CELF2: variants seen among roughly 807,000 people sequenced by gnomAD.
The protein encoded by CELF2 is CUG triplet repeat RNA-binding protein 2.
Under a neutral mutation model 62.6 loss-of-function variants are expected in CELF2, and 8 were observed. That is an observed-to-expected ratio of 0.13 (90% CI 0.07 to 0.23). The LOEUF is 0.23. CELF2 is among the 10% of genes least tolerant of loss of function. The pLI is 1.00. For missense variants in CELF2, 333 were observed against 671.0 expected, an observed-to-expected ratio of 0.50 and a Z score of 5.56; for synonymous variants, 258 against 250.0, an observed-to-expected ratio of 1.03 and a Z score of -0.30.
chr10:10,711,940 A>T, the CELF2 span, among the ~76,000 whole-genome samples: 1 of 152,082 alleles, frequency 6.6e-6, no homozygotes, highest in Non-Finnish European at 1.5e-5. Context: ...TTTCACTACC[A>T]GTTCACCTAT....
intron 4 of CELF2, among the ~76,000 whole-genome samples, chr10:11,256,664 TTAAAA>T (rs2078861851): frequency 5.6e-5 from 4 of 71,746 alleles, no homozygotes; most frequent in Non-Finnish European, 1.2e-4. Flanking sequence ...TGTGATGTCC[TTAAAA>T]AAAAAAAAAA....
rs1182831021 is a variant in CELF2 at position 11,242,315 on chromosome 10, A to T, written c.355-6838A>T. Among the ~76,000 whole-genome samples the T allele has an allele frequency of 6.6e-6, 1 of 152,178 alleles. No individual in the cohort carries two copies. Among genetic ancestry groups the T allele is most frequent in the Non-Finnish European group, 1.5e-5 (1 of 68,022 alleles). ...TGGCTGGGGTTCAACAAGTTCCAAC[A>T]TGAGTTCTCCTGTGTGTGAGGAGCC... On this transcript the variant is annotated intron_variant, in intron 3 of 12. Transcript: ENST00000633077. The surrounding 1 kb of genome is among the most constrained non-coding windows in gnomAD (Gnocchi z 4.8).
the CELF2 span, among the ~76,000 whole-genome samples, chr10:10,684,053 A>G: frequency 6.6e-6 from 1 of 152,212 alleles, no homozygotes; most frequent in African/African-American, 2.4e-5. Flanking sequence ...AGTTATGATT[A>G]ATAACACCTT....
intron 2 of CELF2, among the ~76,000 whole-genome samples, chr10:10,991,463 T>G (rs538660695): frequency 1.3e-5 from 2 of 152,226 alleles, no homozygotes; most frequent in South Asian, 4.1e-4. Flanking sequence ...GGCTAAGAGT[T>G]GGGAGAGCTT....
In CELF2 at chr10:11,260,261, G is replaced by A. The variant is rs1413175149; in HGVS notation, c.538+2389G>A. 1.3e-5 allele frequency among the ~76,000 whole-genome samples: 2 copies of A among 152,168 alleles called. No individual in the cohort carries two copies. Among genetic ancestry groups the A allele is most frequent in the African/African-American group, 4.8e-5 (2 of 41,432 alleles). On this transcript the variant is annotated intron_variant, in intron 5 of 12. Coordinates refer to ENST00000633077, the MANE Select transcript of CELF2 (RefSeq NM_001326342.2). This position sits in a 1 kb window ranked among gnomAD's most constrained non-coding sequence, Gnocchi z 4.2. ...CTGCATGTGTTAGCGGAGAGACCCC[G>A]GGCGGGCAGTATGTGTGCTTGATTT...
intron 8 of CELF2, among the ~76,000 whole-genome samples, chr10:11,287,224 G>A (rs1034427673): frequency 4.6e-5 from 7 of 152,218 alleles, no homozygotes; most frequent in African/African-American, 9.6e-5. Flanking sequence ...AAGGTAAAAT[G>A]AAGCTGAAGT....
chr10:10,534,288 C>T, the CELF2 span, among the ~76,000 whole-genome samples: 4 of 149,092 alleles, frequency 2.7e-5, no homozygotes, highest in Admixed American at 6.7e-5. Context: ...AAAGAAAAAA[C>T]ACTTAAAAGA....
At chr10:10,570,947 A>G in the CELF2 span, among the ~76,000 whole-genome samples, 17 of 152,194 alleles carry the variant, frequency 1.1e-4, no homozygotes, top group Non-Finnish European at 1.8e-4. Context: ...TCTGAATACT[A>G]AGCTGGTTAA....
chr10:10,469,979 A>G, the CELF2 span, among the ~76,000 whole-genome samples: 1 of 151,880 alleles, frequency 6.6e-6, no homozygotes, highest in Non-Finnish European at 1.5e-5. Context: ...CTGAAATTCA[A>G]AACTTCTTGA....
At chr10:10,551,001 T>G in the CELF2 span, among the ~76,000 whole-genome samples, 1 of 152,196 alleles carries the variant, frequency 6.6e-6, no homozygotes, top group Non-Finnish European at 1.5e-5. Context: ...CCCAGCTGCC[T>G]ACTTCTTAAT....
At chr10:11,195,573 C>T (rs7919653) in intron 2 of CELF2, among the ~76,000 whole-genome samples, 14 of 152,166 alleles carry the variant, frequency 9.2e-5, no homozygotes, top group Non-Finnish European at 1.8e-4. Flanking sequence ...CAGTTGTGTT[C>T]AGAGTTTTGA....
chr10:11,094,404 G>T (rs559789267), intron 1 of CELF2, among the ~76,000 whole-genome samples: 1 of 152,024 alleles, frequency 6.6e-6, no homozygotes, highest in East Asian at 1.9e-4. Flanking sequence ...GAGCTGCATT[G>T]TTTTTTTTGA....
At chr10:10,760,606 G>A in the CELF2 span, among the ~76,000 whole-genome samples, 1 of 152,184 alleles carries the variant, frequency 6.6e-6, no homozygotes, top group African/African-American at 2.4e-5. Context: ...GCGATGGAGG[G>A]GAGGAAGGAG....
At chr10:10,466,064 G>A in the CELF2 span, among the ~76,000 whole-genome samples, 2 of 152,002 alleles carry the variant, frequency 1.3e-5, no homozygotes, top group African/African-American at 2.4e-5. Flanking sequence ...CTGAAACAAC[G>A]TTGCATAATC....
chr10:10,740,256 T>C, the CELF2 span, among the ~76,000 whole-genome samples: 2 of 150,744 alleles, frequency 1.3e-5, no homozygotes, highest in Non-Finnish European at 2.9e-5. Context: ...CCATTTCAAG[T>C]CTCATCTTTA....
At chr10:10,770,875 C>T in the CELF2 span, among the ~76,000 whole-genome samples, 1 of 152,162 alleles carries the variant, frequency 6.6e-6, no homozygotes, top group African/African-American at 2.4e-5. Context: ...TAAAACAGTA[C>T]TTCTTATCTA....
At chr10:10,497,339 G>A in the CELF2 span, among the ~76,000 whole-genome samples, 1 of 152,120 alleles carries the variant, frequency 6.6e-6, no homozygotes, top group Non-Finnish European at 1.5e-5. Context: ...GGATGGAGGA[G>A]AGAATCATGC....
intron 1 of CELF2, among the ~76,000 whole-genome samples, chr10:11,073,096 C>T (rs2070678663): frequency 6.6e-6 from 1 of 151,884 alleles, no homozygotes; most frequent in Non-Finnish European, 1.5e-5. Context: ...TATAATTATA[C>T]CAAAATATTA....
rs996052899 is a variant in CELF2, at chr10:11,314,563, G to A, written c.1096+305G>A. 3.8e-5 allele frequency: 16 copies of A among 425,946 alleles called. No homozygotes were observed. Among genetic ancestry groups the A allele is most frequent in the Non-Finnish European group, 5.8e-5 (13 of 225,816 alleles). 26.4% of individuals were successfully genotyped at this position (425,946 alleles called of 1,614,324 possible). A position where few individuals can be genotyped will look rare whatever the true frequency, so the allele number is the denominator to read the frequency against. ...CAGGAGTTTGGTTTGGTTTGGTTTC[G>A]GTCGGTTCTGTCCTGCGAGGCAGGG... On this transcript the variant is annotated intron_variant, in intron 10 of 12. Transcript: ENST00000633077. This position sits in a 1 kb window ranked among gnomAD's most constrained non-coding sequence, Gnocchi z 5.3.
Sources: gnomAD v4.1 joint callset for allele counts (sites outside exome capture counted in the v4.1 genomes callset) on GRCh38, gnomAD v4.1.1 for gene constraint, Gnocchi (gnomAD v3.1) non-coding constraint, MANE v1.5 for transcripts, NCBI Gene and HGNC (gene_info 2026-07-23, HGNC 2026-07-21) for gene names.